The following FREM3 variants were observed in gnomAD, a reference collection of about 807,000 sequenced individuals.
FREM3 encodes FRAS1 related extracellular matrix 3.
A neutral mutation model predicts 129.1 loss-of-function variants in FREM3; 105 were observed. That is an observed-to-expected ratio of 0.81 (90% CI 0.69 to 0.96). FREM3 has a LOEUF of 0.96. FREM3 is among the 40% of genes least tolerant of loss of function. FREM3 has a pLI of 0.00. For missense variants in FREM3, 2,593 were observed against 2,666.3 expected (o/e 0.97, Z 0.61); for synonymous variants, 1,014 against 1,044.9 (o/e 0.97, Z 0.57).
intron 2 of FREM3, among the ~76,000 whole-genome samples, chr4:143,652,717 C>A (rs1037374332): frequency 6.6e-6 from 1 of 152,214 alleles, no homozygotes; most frequent in Non-Finnish European, 1.5e-5. Context: ...GCCACCTCCA[C>A]CTCTTGGGCT....
At chr4:143,622,190 T>C (rs908337986) in intron 4 of FREM3, among the ~76,000 whole-genome samples, 1 of 151,220 alleles carries the variant, frequency 6.6e-6, no homozygotes, top group Non-Finnish European at 1.5e-5. Context: ...GTCTCCCAGG[T>C]TCAAGCAACT....
At chr4:143,597,768 TAAAG>T (rs1738508619) in intron 6 of FREM3, among the ~76,000 whole-genome samples, 1 of 152,140 alleles carries the variant, frequency 6.6e-6, no homozygotes, top group African/African-American at 2.4e-5. Flanking sequence ...ATAAAAAAAT[TAAAG>T]AAGACATACA....
rs1202046897 is a variant in FREM3, at chr4:143,695,782, A to C, written c.4894T>G (p.Phe1632Val). ...LTVTDGTHTD[F>V]YVLPDTALAT... Reference sequence around the variant, plus strand: ...AGGGCAGTGTCTGGTAGGACATAGAAATCAGTGTGAGTGCCGTCTGTCACA... The same window carrying C: ...AGGGCAGTGTCTGGTAGGACATAGACATCAGTGTGAGTGCCGTCTGTCACA... The change falls in exon 1 of 8, where the codon TTC becomes GTC. Residue 1632 changes from phenylalanine to valine, a missense_variant. Physicochemically the swap from Phe to Val is conservative, Grantham distance 50. This residue lies in a region of FREM3 where 2,276 missense variants were observed against 2,267.2 expected (regional missense o/e 1.00). Coordinates refer to ENST00000329798, the MANE Select transcript of FREM3 (RefSeq NM_001168235.2). 6.5e-7 allele frequency: 1 copy of C among 1,537,268 alleles called. No individual in the cohort carries two copies. Among genetic ancestry groups the C allele is most frequent in the Non-Finnish European group, 8.7e-7 (1 of 1,146,924 alleles).
intron 6 of FREM3, among the ~76,000 whole-genome samples, chr4:143,590,500 T>G (rs951367149): frequency 1.3e-5 from 2 of 152,204 alleles, no homozygotes; most frequent in Non-Finnish European, 1.5e-5. Flanking sequence ...GATAATCACG[T>G]GTTTTTTGTC....
chr4:143,651,044 A>G (rs1158663453), intron 2 of FREM3, among the ~76,000 whole-genome samples: 1 of 152,136 alleles, frequency 6.6e-6, no homozygotes, highest in Non-Finnish European at 1.5e-5. Context: ...AATAATATTC[A>G]TATGTTTCTA....
intron 2 of FREM3, among the ~76,000 whole-genome samples, chr4:143,646,052 T>C (rs1383062991): frequency 1.3e-5 from 2 of 152,232 alleles, no homozygotes; most frequent in African/African-American, 2.4e-5. Flanking sequence ...AGAGATGAAG[T>C]ATTTTAATGT....
At chr4:143,676,614 A>G (rs1268170982) in intron 2 of FREM3, among the ~76,000 whole-genome samples, 2 of 152,222 alleles carry the variant, frequency 1.3e-5, no homozygotes, top group Non-Finnish European at 2.9e-5. Flanking sequence ...CCCTGTTTGC[A>G]GATGACATGA....
intron 2 of FREM3, among the ~76,000 whole-genome samples, chr4:143,689,084 C>T (rs1257759179): frequency 6.6e-6 from 1 of 152,088 alleles, no homozygotes; most frequent in Non-Finnish European, 1.5e-5. Context: ...GCAGAGAAAA[C>T]AGACAACCCA....
chr4:143,643,821 G>A (rs1022351482), intron 2 of FREM3, among the ~76,000 whole-genome samples: 1 of 152,050 alleles, frequency 6.6e-6, no homozygotes, highest in African/African-American at 2.4e-5. Flanking sequence ...GCTTTTGAAT[G>A]TTCTCACCAC....
chr4:143,632,323 C>T (rs1386705573), intron 2 of FREM3, among the ~76,000 whole-genome samples: 1 of 151,954 alleles, frequency 6.6e-6, no homozygotes, highest in East Asian at 1.9e-4. Context: ...TAAAGCATAA[C>T]TGGGAGAATC....
rs182793195 is a variant in FREM3, at chr4:143,624,109, A to G, written c.5652T>C (p.Asp1884=). Residue 1884 remains aspartate (D), a splice_region_variant and synonymous_variant, in exon 4 of 8, where the codon GAT becomes GAC. Transcript: ENST00000329798. ...MATVEIVDPG[D]ESTVYIPEAE... ...AGCAAATCAATCAGTGTCACATACC[A>G]TCTCCAGGGTCTACAATTTCAACCG... 32 of 1,504,292 alleles carry G rather than the reference A, an allele frequency of 2.1e-5. No individual in the cohort carries two copies. The highest frequency in any genetic ancestry group is 2.0e-4 in the East Asian group (8 of 40,732). The allele number at this position is 1,504,292 out of a possible 1,614,324, so 93.2% of individuals were successfully genotyped here.
intron 5 of FREM3, among the ~76,000 whole-genome samples, chr4:143,618,978 A>C (rs1470051866): frequency 6.6e-6 from 1 of 151,940 alleles, no homozygotes; most frequent in Non-Finnish European, 1.5e-5. Flanking sequence ...GCATAACTAA[A>C]CTCCCACTAG....
At chr4:143,671,378 T>G (rs574815387) in intron 2 of FREM3, among the ~76,000 whole-genome samples, 1 of 152,264 alleles carries the variant, frequency 6.6e-6, no homozygotes, top group African/African-American at 2.4e-5. Context: ...AAGATGAATA[T>G]TTAGGCCATA....
At chr4:143,659,147 G>A (rs1227990245) in intron 2 of FREM3, among the ~76,000 whole-genome samples, 2 of 149,678 alleles carry the variant, frequency 1.3e-5, no homozygotes, top group Non-Finnish European at 3.0e-5. Flanking sequence ...TGCACAATGT[G>A]CAGGTTACAT....
chr4:143,653,850 A>G (rs979815882), intron 2 of FREM3, among the ~76,000 whole-genome samples: 12 of 152,230 alleles, frequency 7.9e-5, no homozygotes, highest in South Asian at 2.1e-4. Context: ...ATGTAATTAT[A>G]CAACAAATAT....
At chr4:143,592,018 C>A (rs1480069215) in intron 6 of FREM3, among the ~76,000 whole-genome samples, 1 of 152,174 alleles carries the variant, frequency 6.6e-6, no homozygotes, top group Non-Finnish European at 1.5e-5. Flanking sequence ...CTCTTTTGAT[C>A]TTTGTTGGTT....
intron 3 of FREM3, among the ~76,000 whole-genome samples, chr4:143,625,004 G>A (rs1382356539): frequency 6.6e-6 from 1 of 152,124 alleles, no homozygotes; most frequent in African/African-American, 2.4e-5. Context: ...CAATGTTGGT[G>A]AAAATGGAGA....
chr4:143,595,786 G>A (rs1359509075), intron 6 of FREM3, among the ~76,000 whole-genome samples: 1 of 151,486 alleles, frequency 6.6e-6, no homozygotes, highest in Non-Finnish European at 1.5e-5. Context: ...TACTTGGGAG[G>A]CTGAGGCAGA....
In FREM3 at chr4:143,624,354, A is replaced by G; in HGVS notation, c.5423-16T>C. On this transcript the variant is annotated splice_polypyrimidine_tract_variant and intron_variant, in intron 3 of 7. Coordinates refer to ENST00000329798, the MANE Select transcript of FREM3 (RefSeq NM_001168235.2). Reference sequence around the variant, plus strand: ...GTACCAATGCCTGAATAAAAATCAGAAAACTATAAATATAAAGCCAAGTGA... The same window carrying G: ...GTACCAATGCCTGAATAAAAATCAGGAAACTATAAATATAAAGCCAAGTGA... The G allele has an allele frequency of 6.8e-7, 1 of 1,466,106 alleles. No individual in the cohort carries two copies. Among genetic ancestry groups the G allele is most frequent in the Non-Finnish European group, 9.2e-7 (1 of 1,083,588 alleles). 90.8% of individuals were successfully genotyped at this position (1,466,106 alleles called of 1,614,324 possible).
Sources: allele counts gnomAD v4.1 joint callset (sites outside exome capture counted in the v4.1 genomes callset), GRCh38; gene constraint gnomAD v4.1.1; regional missense constraint gnomAD v4.1.1; transcripts MANE v1.5; gene names NCBI Gene and HGNC (gene_info 2026-07-23, HGNC 2026-07-21).